NSD1: variants seen among roughly 807,000 people sequenced by gnomAD.
The protein encoded by NSD1 is histone-lysine N-methyltransferase, H3 lysine-36 specific.
In NSD1, 26 loss-of-function variants were observed where a neutral mutation model predicts 242.7. The observed-to-expected ratio is 0.11, with a 90% CI of 0.08 to 0.15. The LOEUF (loss-of-function observed/expected upper bound fraction) is 0.15. NSD1 is among the 10% of genes least tolerant of loss of function. The probability of loss-of-function intolerance (pLI) is 1.00; values close to 1 mark genes in which losing one functional copy is unlikely to be tolerated. For synonymous variants in NSD1, 1,106 were observed against 1,178.1 expected (o/e 0.94, Z 1.25); for missense variants, 2,495 against 3,272.8 (o/e 0.76, Z 5.80).
chr5:177,135,092 T>C lies in NSD1; in HGVS notation c.-12T>C, dbSNP rs1015153585. The C allele has an allele frequency of 6.2e-7, 1 of 1,614,066 alleles. No homozygotes were observed. Among genetic ancestry groups the C allele is most frequent in the Non-Finnish European group, 8.5e-7 (1 of 1,179,894 alleles). On this transcript the variant is annotated 5_prime_UTR_variant, in exon 2 of 23. The change abolishes an upstream ATG in the 5' untranslated region. Transcript: ENST00000439151. ...GCTGTGCTTTTGGATTCCAGGTTGA[T>C]GCCGGCCCAGGATGGATCAGACCTG...
chr5:177,268,115 G>A, intron 15 of NSD1, among the ~76,000 whole-genome samples: 1 of 151,322 alleles, frequency 6.6e-6, no homozygotes, highest in South Asian at 2.1e-4. Flanking sequence ...ATGTGTCTTG[G>A]GTTGTTTGTT....
intron 2 of NSD1, among the ~76,000 whole-genome samples, chr5:177,167,193 T>C (rs908785265): frequency 6.6e-6 from 1 of 152,168 alleles, no homozygotes; most frequent in African/African-American, 2.4e-5. Flanking sequence ...TAACATTCCT[T>C]TGAAATGCTA....
chr5:177,225,604 T>A (rs955892632), intron 5 of NSD1, among the ~76,000 whole-genome samples: 1 of 152,162 alleles, frequency 6.6e-6, no homozygotes, highest in Non-Finnish European at 1.5e-5. Context: ...TATATAGATC[T>A]ACCTTTGCTA....
intron 2 of NSD1, among the ~76,000 whole-genome samples, chr5:177,165,769 C>CTGTTGT (rs369672305): frequency 4.0e-5 from 6 of 151,806 alleles, no homozygotes; most frequent in Non-Finnish European, 5.9e-5. Flanking sequence ...TGGCAAATCA[C>CTGTTGT]TGTTGTTGTT....
chr5:177,223,343 C>T lies in NSD1; in HGVS notation c.3796+11148C>T, dbSNP rs144423720. On this transcript the variant is annotated intron_variant, in intron 5 of 22. Coordinates refer to ENST00000439151, the MANE Select transcript of NSD1 (RefSeq NM_022455.5). ...TCCCAGCACTTTTGGGAGGCTGATGCGGGCAGATCACTTGAGGTCAGAAGT... is the reference window on the plus strand; with the variant it reads ...TCCCAGCACTTTTGGGAGGCTGATGTGGGCAGATCACTTGAGGTCAGAAGT... Among the ~76,000 whole-genome samples the T allele has an allele frequency of 6.9e-3, 1,043 of 152,158 alleles. 10 individuals carry two copies. The highest frequency in any genetic ancestry group is 0.011 in the Non-Finnish European group (779 of 67,980).
chr5:177,160,326 A>T (rs1314651205), intron 2 of NSD1, among the ~76,000 whole-genome samples: 1 of 151,108 alleles, frequency 6.6e-6, no homozygotes, highest in African/African-American at 2.4e-5. Flanking sequence ...TTTGTTTTTG[A>T]GACAGAGTTT....
At chr5:177,275,526 C>G (rs557257881) in intron 17 of NSD1, among the ~76,000 whole-genome samples, 40 of 148,588 alleles carry the variant, frequency 2.7e-4, no homozygotes, top group African/African-American at 1.0e-3. Context: ...CTCTGCCTCC[C>G]GGGTTCAAGC....
At position 177,294,643 on chromosome 5, in the gene NSD1, A is replaced by G. The variant is rs139879749; in HGVS notation, c.7275A>G (p.Leu2425=). ...SQRLPPPEKV[L]SAVVQTLVAK... ...GACTCCCACCTCCTGAGAAAGTACTATCAGCTGTGGTCCAGACCCTTGTAG... is the reference window on the plus strand; with the variant it reads ...GACTCCCACCTCCTGAGAAAGTACTGTCAGCTGTGGTCCAGACCCTTGTAG... The change falls in exon 23 of 23, where the codon CTA becomes CTG. Residue 2425 remains leucine, a synonymous_variant. Coordinates refer to ENST00000439151, the MANE Select transcript of NSD1 (RefSeq NM_022455.5). The G allele has an allele frequency of 4.3e-5, 69 of 1,614,226 alleles. No homozygotes were observed. The East Asian group carries it at 1.0e-3, about 23-fold the overall frequency.
At chr5:177,286,062 T>A (rs1759299927) in intron 20 of NSD1, among the ~76,000 whole-genome samples, 1 of 151,984 alleles carries the variant, frequency 6.6e-6, no homozygotes, top group Non-Finnish European at 1.5e-5. Flanking sequence ...TGCCCGGCTA[T>A]TTTTTGGTAT....
chr5:177,161,893 C>G (rs1459425240), intron 2 of NSD1, among the ~76,000 whole-genome samples: 1 of 151,982 alleles, frequency 6.6e-6, no homozygotes, highest in Non-Finnish European at 1.5e-5. Context: ...TCAACAGATC[C>G]ACCTGCCTCA....
In NSD1 at chr5:177,295,445, T is replaced by G; in HGVS notation, c.8077T>G (p.Ser2693Ala). 6.2e-7 allele frequency: 1 copy of G among 1,613,948 alleles called. No homozygotes were observed. ...TCCTTCCAGTCACAAGTGTGCAGAA[T>G]CAGAACAGAAGTAGTACCAATCAAT... ...QAPSSHKCAE[S>A]EQK The change falls in exon 23 of 23, where the codon TCA (serine) becomes GCA (alanine). Residue 2693 changes from serine (S) to alanine (A), a missense_variant. Ser to Ala is a moderately conservative substitution (Grantham distance 99). Around this residue, in one of 19 missense-constraint regions of NSD1, gnomAD observed 475 missense variants for 563.7 expected, o/e 0.84. Transcript: ENST00000439151. The surrounding 1 kb of genome is among the most constrained non-coding windows in gnomAD (Gnocchi z 4.3).
At chr5:177,154,515 A>G (rs1228433116) in intron 2 of NSD1, among the ~76,000 whole-genome samples, 1 of 152,194 alleles carries the variant, frequency 6.6e-6, no homozygotes, top group African/African-American at 2.4e-5. Flanking sequence ...AAAGTTAACC[A>G]GTGAAGTGAC....
Position 177,251,871 on chromosome 5 carries a change from C to A in NSD1, c.4765+18C>A, listed in dbSNP as rs751340849. On this transcript the variant is annotated intron_variant, in intron 12 of 22. Transcript: ENST00000439151. ...TCGCACAGGTAAAGTAGATATCGAA[C>A]GGTCTTCCTCCAAAGAAAGTTTGAA... 6.2e-7 allele frequency: 1 copy of A among 1,613,864 alleles called. No homozygotes were observed. The highest frequency in any genetic ancestry group is 8.5e-7 in the Non-Finnish European group (1 of 1,179,928).
At chr5:177,227,717 A>G (rs894585490) in intron 5 of NSD1, among the ~76,000 whole-genome samples, 3 of 152,204 alleles carry the variant, frequency 2.0e-5, no homozygotes, top group Admixed American at 6.5e-5. Context: ...CTGGCATTAC[A>G]GATGTGAGCC....
chr5:177,271,844 TG>T, intron 16 of NSD1, among the ~76,000 whole-genome samples: 1 of 152,190 alleles, frequency 6.6e-6, no homozygotes, highest in Non-Finnish European at 1.5e-5. Context: ...TTAAGTAGTT[TG>T]GGGCAGAAAT....
chr5:177,176,365 T>C (rs569297487), intron 2 of NSD1, among the ~76,000 whole-genome samples: 1 of 151,998 alleles, frequency 6.6e-6, no homozygotes, highest in Admixed American at 6.6e-5. Flanking sequence ...GTTCAAGCAA[T>C]TTTTGAATCC....
chr5:177,146,136 G>A (rs1757221448), intron 2 of NSD1, among the ~76,000 whole-genome samples: 1 of 149,600 alleles, frequency 6.7e-6, no homozygotes, highest in Non-Finnish European at 1.5e-5. Flanking sequence ...GTTTTGCAAT[G>A]GTAATATTTT....
At chr5:177,265,697 T>A in intron 14 of NSD1, 1 of 1,609,600 alleles carries the variant, frequency 6.2e-7, no homozygotes, top group South Asian at 1.1e-5. Context: ...GAAGATCTCC[T>A]CGCCCGTCTT....
At chr5:177,201,716 G>A (rs1762520578) in intron 3 of NSD1, among the ~76,000 whole-genome samples, 3 of 151,252 alleles carry the variant, frequency 2.0e-5, no homozygotes, top group Admixed American at 1.3e-4. Flanking sequence ...GTTGCACCAC[G>A]CCCGGCTACT....
Sources: gnomAD v4.1 joint callset for allele counts (sites outside exome capture counted in the v4.1 genomes callset) on GRCh38, gnomAD v4.1.1 for gene constraint, gnomAD v4.1.1 regional missense constraint, Gnocchi (gnomAD v3.1) non-coding constraint, MANE v1.5 for transcripts, NCBI Gene and HGNC (gene_info 2026-07-23, HGNC 2026-07-21) for gene names.